Variants in OPN3 observed in about 807,000 individuals in gnomAD.
OPN3 encodes opsin-3.
A neutral mutation model predicts 33.8 loss-of-function variants in OPN3; 29 were observed. The ratio of observed to expected loss-of-function variants is 0.86; its 90% CI spans 0.64 to 1.17. The LOEUF is 1.17. Ranked by LOEUF, OPN3 falls within the 50% of genes most tolerant of loss-of-function variation. The pLI, the probability that OPN3 is intolerant of heterozygous loss-of-function variation, is 0.00. For missense variants in OPN3, 437 were observed against 514.1 expected, an observed-to-expected ratio of 0.85 and a Z score of 1.45; for synonymous variants, 216 against 216.1, an observed-to-expected ratio of 1.00 and a Z score of 0.00.
At position 241,603,583 on chromosome 1, in the gene OPN3, G is replaced by A. The variant is rs560507228; in HGVS notation, c.693+677C>T. Among the ~76,000 whole-genome samples, 6 of 152,242 alleles carry A rather than the reference G, an allele frequency of 3.9e-5. No homozygotes were observed. The East Asian group carries it at 1.2e-3, about 29-fold the overall frequency. ...AACAAAGTTGGCATATGTAAAGAAT[G>A]TAGAAACAAATGATTTAAAGTGATG... is the stretch of plus-strand genomic sequence containing the variant. On this transcript the variant is annotated intron_variant, in intron 2 of 3. Coordinates refer to ENST00000366554, the MANE Select transcript of OPN3 (RefSeq NM_014322.3).
At chr1:241,626,356 CAT>C (rs1664418379) in intron 1 of OPN3, among the ~76,000 whole-genome samples, 3 of 151,972 alleles carry the variant, frequency 2.0e-5, no homozygotes, top group Non-Finnish European at 2.9e-5. Flanking sequence ...GTACCATACA[CAT>C]AGTCTTTGTT....
intron 1 of OPN3, chr1:241,634,514 C>T (rs748358849): frequency 3.1e-6 from 5 of 1,613,904 alleles, no homozygotes; most frequent in Non-Finnish European, 4.2e-6. Flanking sequence ...AATTGCTTTA[C>T]ATCGTCCAGA....
chr1:241,634,689 T>C lies in OPN3; in HGVS notation c.373+5193A>G, dbSNP rs1664804845. 4 of 1,613,982 alleles carry C rather than the reference T, an allele frequency of 2.5e-6. No individual in the cohort carries two copies. The African/African-American group carries it at 4.0e-5, about 16-fold the overall frequency. ...CCGAGACACTGAAGGAAGTTTTTAGTTGCGTTAAGACCATCTATTGTAGTG... is the reference window on the plus strand; with the variant it reads ...CCGAGACACTGAAGGAAGTTTTTAGCTGCGTTAAGACCATCTATTGTAGTG... On this transcript the variant is annotated intron_variant, in intron 1 of 3. Transcript: ENST00000366554.
At chr1:241,601,774 G>T (rs1433697496) in intron 2 of OPN3, among the ~76,000 whole-genome samples, 2 of 152,110 alleles carry the variant, frequency 1.3e-5, no homozygotes, top group East Asian at 1.9e-4. Flanking sequence ...CATGTAAGTG[G>T]CATGGATAAG....
intron 1 of OPN3, among the ~76,000 whole-genome samples, chr1:241,623,204 C>T (rs779876661): frequency 3.3e-5 from 5 of 152,168 alleles, no homozygotes; most frequent in Non-Finnish European, 7.3e-5. Flanking sequence ...ACCAAGTCCA[C>T]AGCTATTAAT....
At chr1:241,607,131 C>T (rs1156472559) in intron 1 of OPN3, among the ~76,000 whole-genome samples, 1 of 152,056 alleles carries the variant, frequency 6.6e-6, no homozygotes, top group Non-Finnish European at 1.5e-5. Flanking sequence ...AATAAATGTT[C>T]TTTGAATTAA....
intron 1 of OPN3, among the ~76,000 whole-genome samples, chr1:241,607,171 C>T (rs1278710784): frequency 6.6e-6 from 1 of 151,980 alleles, no homozygotes; most frequent in Non-Finnish European, 1.5e-5. Flanking sequence ...ACTCAAGTGA[C>T]CGGAAGAAGA....
chr1:241,607,969 C>T (rs764568362), intron 1 of OPN3, among the ~76,000 whole-genome samples: 9 of 152,032 alleles, frequency 5.9e-5, no homozygotes, highest in Non-Finnish European at 1.2e-4. Flanking sequence ...GTGATATTAT[C>T]CTTTCTTTAC....
chr1:241,621,684 G>A lies in OPN3; in HGVS notation c.374-17105C>T, dbSNP rs562734298. On this transcript the variant is annotated intron_variant, in intron 1 of 3. Coordinates refer to ENST00000366554, the MANE Select transcript of OPN3 (RefSeq NM_014322.3). ...AGTTAAAGGAAGGAGGTAGAGAAATGTTCAAAGATGTTGAAGTTATAGGGG... is the reference window on the plus strand; with the variant it reads ...AGTTAAAGGAAGGAGGTAGAGAAATATTCAAAGATGTTGAAGTTATAGGGG... 3.3e-5 allele frequency among the ~76,000 whole-genome samples: 5 copies of A among 152,124 alleles called. No individual in the cohort carries two copies. In the South Asian group the frequency reaches 1.0e-3, roughly 32 times the overall value.
chr1:241,612,242 T>C (rs541561839), intron 1 of OPN3, among the ~76,000 whole-genome samples: 1 of 152,340 alleles, frequency 6.6e-6, no homozygotes, highest in African/African-American at 2.4e-5. Flanking sequence ...ATACCTGTCT[T>C]GTGGTCTTCA....
Position 241,635,472 on chromosome 1 carries a change from T to C in OPN3, c.373+4410A>G. 3 of 1,613,870 alleles carry C rather than the reference T, an allele frequency of 1.9e-6. No individual in the cohort carries two copies. The South Asian group carries it at 3.3e-5, about 18-fold the overall frequency. ...TGACTGGCGTAGCAAAAAGCTTCTG[T>C]GTGTTGAATAGTTTCATCCTTCTTG... On this transcript the variant is annotated intron_variant, in intron 1 of 3. Coordinates refer to ENST00000366554, the MANE Select transcript of OPN3 (RefSeq NM_014322.3).
intron 2 of OPN3, among the ~76,000 whole-genome samples, chr1:241,603,886 C>T (rs548609331): frequency 6.6e-6 from 1 of 152,174 alleles, no homozygotes; most frequent in Non-Finnish European, 1.5e-5. Context: ...AACATCTGTG[C>T]TGTTCTCTAG....
chr1:241,614,201 T>G (rs1664065894), intron 1 of OPN3: 4 of 151,992 alleles, frequency 2.6e-5, no homozygotes, highest in Admixed American at 1.3e-4. Context: ...TTTCAGGTAA[T>G]CAACTTATAT....
chr1:241,624,019 C>T (rs1410322011), intron 1 of OPN3, among the ~76,000 whole-genome samples: 3 of 151,742 alleles, frequency 2.0e-5, no homozygotes, highest in Non-Finnish European at 4.4e-5. Context: ...ATGCTCCAGG[C>T]ACTGTGGACC....
chr1:241,602,453 C>T (rs1663700997), intron 2 of OPN3, among the ~76,000 whole-genome samples: 1 of 152,178 alleles, frequency 6.6e-6, no homozygotes, highest in South Asian at 2.1e-4. Context: ...GATAAACTTA[C>T]TAAACTACCA....
intron 2 of OPN3, among the ~76,000 whole-genome samples, chr1:241,603,142 G>A (rs1663720720): frequency 6.6e-6 from 1 of 152,128 alleles, no homozygotes; most frequent in African/African-American, 2.4e-5. Flanking sequence ...CATGGAAGGG[G>A]GTGGGGGAGC....
chr1:241,630,155 T>C (rs369233646), intron 1 of OPN3: 1 of 152,038 alleles, frequency 6.6e-6, no homozygotes, highest in Non-Finnish European at 1.5e-5. Flanking sequence ...GATGGTGAAA[T>C]AGATACTAGG....
At position 241,627,565 on chromosome 1, in the gene OPN3, A is replaced by T. The variant is rs578119701; in HGVS notation, c.373+12317T>A. On this transcript the variant is annotated intron_variant, in intron 1 of 3. Coordinates refer to ENST00000366554, the MANE Select transcript of OPN3 (RefSeq NM_014322.3). ...TAGTTGTCAAGAGAAAAGTATTCCTACAAGTGCTGGAGCAGAACTGTTGTC... is the reference window on the plus strand; with the variant it reads ...TAGTTGTCAAGAGAAAAGTATTCCTTCAAGTGCTGGAGCAGAACTGTTGTC... 2.6e-5 allele frequency among the ~76,000 whole-genome samples: 4 copies of T among 152,340 alleles called. No homozygotes were observed. The South Asian group carries it at 8.3e-4, about 32-fold the overall frequency.
intron 2 of OPN3, among the ~76,000 whole-genome samples, chr1:241,602,282 G>A (rs1184030130): frequency 6.6e-6 from 1 of 152,162 alleles, no homozygotes; most frequent in Admixed American, 6.5e-5. Context: ...GTAGAAGTTG[G>A]CAATAGTCTC....
Sources: gnomAD v4.1 joint callset for allele counts (sites outside exome capture counted in the v4.1 genomes callset) on GRCh38, gnomAD v4.1.1 for gene constraint, MANE v1.5 for transcripts, NCBI Gene and HGNC (gene_info 2026-07-23, HGNC 2026-07-21) for gene names.